Variants in TTYH1 observed in about 807,000 individuals in gnomAD.
TTYH1 encodes tweety family member 1, also known as protein tweety homolog 1.
Under a neutral mutation model 61.2 loss-of-function variants are expected in TTYH1, and 33 were observed. The observed-to-expected ratio is 0.54, with a 90% CI of 0.41 to 0.72. The LOEUF (loss-of-function observed/expected upper bound fraction) is 0.72, where lower values mean the gene tolerates loss of function less well. TTYH1 is among the 30% of genes least tolerant of loss of function. The pLI, the probability that TTYH1 is intolerant of heterozygous loss-of-function variation, is 0.00. For missense variants in TTYH1, 538 were observed against 575.8 expected, an observed-to-expected ratio of 0.93 and a Z score of 0.67; for synonymous variants, 308 against 266.4, an observed-to-expected ratio of 1.16 and a Z score of -1.52.
intron 4 of TTYH1, chr19:54,426,472 G>A: frequency 1.6e-6 from 1 of 608,332 alleles, no homozygotes; most frequent in South Asian, 2.0e-5. Context: ...AACCGCTCCA[G>A]TGTCCTGTCT....
intron 10 of TTYH1, among the ~76,000 whole-genome samples, chr19:54,433,885 G>A (rs971943357): frequency 3.9e-5 from 6 of 152,038 alleles, no homozygotes; most frequent in African/African-American, 1.5e-4. Context: ...TGCAAGAGGC[G>A]GCAGCGTGAG....
At position 54,418,269 on chromosome 19, in the gene TTYH1, C is replaced by T. The variant is rs138900401; in HGVS notation, c.127-859C>T. On this transcript the variant is annotated intron_variant, in intron 1 of 13. Coordinates refer to ENST00000376530, the MANE Select transcript of TTYH1 (RefSeq NM_020659.4). ...GGCTCTGCCCACCGCAGAACGTTTC[C>T]GCGGCCTGCCTGTCTTCCGGGCCTT... 394 of 152,472 alleles carry T rather than the reference C, an allele frequency of 2.6e-3. 2 individuals are homozygous for T. The highest frequency in any genetic ancestry group is 8.1e-3 in the South Asian group (39 of 4,828). 9.4% of individuals were successfully genotyped at this position (152,472 alleles called of 1,614,324 possible).
At position 54,415,700 on chromosome 19, in the gene TTYH1, TG is replaced by T. The variant is rs1194509273; in HGVS notation, c.126+27del. ...GCAGGTGGGACCGGGCGCCAGGGCCTGGGGGCCAGGGCTGGGGGCCGGAGCT... is the reference window on the plus strand; with the variant it reads ...GCAGGTGGGACCGGGCGCCAGGGCCTGGGGCCAGGGCTGGGGGCCGGAGCT... On this transcript the variant is annotated intron_variant, in intron 1 of 13. Transcript: ENST00000376530. The surrounding 1 kb of genome is among the most constrained non-coding windows in gnomAD (Gnocchi z 5.2). The T allele has an allele frequency of 3.3e-6, 5 of 1,529,322 alleles. No homozygotes were observed. Among genetic ancestry groups the T allele is most frequent in the South Asian group, 1.2e-5 (1 of 81,860 alleles). 94.7% of individuals were successfully genotyped at this position (1,529,322 alleles called of 1,614,324 possible).
At position 54,429,772 on chromosome 19, in the gene TTYH1, C is replaced by A; in HGVS notation, c.808-110C>A. ...GAGTCTGAGGGAAGAGGGGCTGGGA[C>A]CTGGACCCCTGGGTGGGGAGGGGAG... On this transcript the variant is annotated intron_variant, in intron 6 of 13. Coordinates refer to ENST00000376530, the MANE Select transcript of TTYH1 (RefSeq NM_020659.4). This position sits in a 1 kb window ranked among gnomAD's most constrained non-coding sequence, Gnocchi z 5.1. 2 of 927,472 alleles carry A rather than the reference C, an allele frequency of 2.2e-6. No individual in the cohort carries two copies. The highest frequency in any genetic ancestry group is 3.4e-6 in the Non-Finnish European group (2 of 584,716). 57.5% of individuals were successfully genotyped at this position (927,472 alleles called of 1,614,324 possible). A position where few individuals can be genotyped will look rare whatever the true frequency, so the allele number is the denominator to read the frequency against.
At chr19:54,423,489 T>C (rs926930160) in intron 4 of TTYH1, among the ~76,000 whole-genome samples, 1 of 152,118 alleles carries the variant, frequency 6.6e-6, no homozygotes, top group Admixed American at 6.6e-5. Flanking sequence ...TTTAGCACCC[T>C]CTGGTGAAAG....
At chr19:54,427,169 C>CGT (rs2083337446) in intron 5 of TTYH1, among the ~76,000 whole-genome samples, 2 of 151,388 alleles carry the variant, frequency 1.3e-5, no homozygotes, top group Non-Finnish European at 2.9e-5. Context: ...TGGTGGCATG[C>CGT]GCCTGTAGTC....
In TTYH1 at chr19:54,421,162, G is replaced by A; in HGVS notation, c.306-115G>A. The A allele has an allele frequency of 2.9e-6, 2 of 695,150 alleles. No homozygotes were observed. The highest frequency in any genetic ancestry group is 5.1e-6 in the Non-Finnish European group (2 of 390,078). 43.1% of individuals were successfully genotyped at this position (695,150 alleles called of 1,614,324 possible). ...CCACGGGCTGGCCCAATGAGGTGGG[G>A]CTGAGATGGGAGGGGTGGATAAGAA... On this transcript the variant is annotated intron_variant, in intron 2 of 13. Transcript: ENST00000376530. This position sits in a 1 kb window ranked among gnomAD's most constrained non-coding sequence, Gnocchi z 4.8.
At position 54,436,027 on chromosome 19, in the gene TTYH1, A is replaced by G. The variant is rs1160126910; in HGVS notation, c.1315-64A>G. ...CTGAGGGAGGAGGGGCTGGGGTCCC[A>G]CAGTACAAAGCCAATTCCCACTCCA... is the stretch of plus-strand genomic sequence containing the variant. On this transcript the variant is annotated intron_variant, in intron 12 of 13. Transcript: ENST00000376530. The surrounding 1 kb of genome is among the most constrained non-coding windows in gnomAD (Gnocchi z 4.3). 2.2e-5 allele frequency: 35 copies of G among 1,591,150 alleles called. No individual in the cohort carries two copies. Among genetic ancestry groups the G allele is most frequent in the Non-Finnish European group, 2.9e-5 (34 of 1,160,432 alleles).
At position 54,429,313 on chromosome 19, in the gene TTYH1, A is replaced by G. The variant is rs751129192; in HGVS notation, c.741A>G (p.Thr247=). Residue 247 remains threonine (T), a synonymous_variant, in exon 6 of 14, where the codon ACA becomes ACG. Transcript: ENST00000376530. This position sits in a 1 kb window ranked among gnomAD's most constrained non-coding sequence, Gnocchi z 5.1. ...CCTCCCTCCCCCACTCTAGGATGAC[A>G]GTCATGAGTCTCCTGGTTCTCGTCC... is the stretch of plus-strand genomic sequence containing the variant. The part of the protein sequence containing the change: ...KQSKWLVIVM[T]VMSLLVLVLS... The G allele has an allele frequency of 1.2e-6, 2 of 1,614,090 alleles. No homozygotes were observed. The highest frequency in any genetic ancestry group is 1.7e-6 in the Non-Finnish European group (2 of 1,179,986).
At chr19:54,418,441 T>G (rs1037339697) in intron 1 of TTYH1, 1 of 152,694 alleles carries the variant, frequency 6.5e-6, no homozygotes, top group Non-Finnish European at 1.5e-5. Flanking sequence ...TTGTCTTATC[T>G]TTGTCTCTTT....
chr19:54,426,021 T>G (rs910705720), intron 4 of TTYH1, among the ~76,000 whole-genome samples: 1 of 152,176 alleles, frequency 6.6e-6, no homozygotes, highest in African/African-American at 2.4e-5. Context: ...CGGCCAAGTA[T>G]TAACTATTAA....
intron 1 of TTYH1, among the ~76,000 whole-genome samples, chr19:54,417,460 C>A (rs2083110859): frequency 1.3e-5 from 2 of 152,144 alleles, no homozygotes; most frequent in South Asian, 4.1e-4. Context: ...TATGCACTCA[C>A]ACCCACATAC....
Position 54,436,015 on chromosome 19 carries a change from G to A in TTYH1, c.1315-76G>A. 4 of 1,583,018 alleles carry A rather than the reference G, an allele frequency of 2.5e-6. No homozygotes were observed. Among genetic ancestry groups the A allele is most frequent in the East Asian group, 2.2e-5 (1 of 44,712 alleles). ...GGACTCCTGGGTCTGAGGGAGGAGG[G>A]GCTGGGGTCCCACAGTACAAAGCCA... is the stretch of plus-strand genomic sequence containing the variant. On this transcript the variant is annotated intron_variant, in intron 12 of 13. Transcript: ENST00000376530. The surrounding 1 kb of genome is among the most constrained non-coding windows in gnomAD (Gnocchi z 4.3).
In TTYH1 at chr19:54,421,040, C is replaced by G. The variant is rs1456013974; in HGVS notation, c.306-237C>G. 6.6e-6 allele frequency among the ~76,000 whole-genome samples: 1 copy of G among 152,146 alleles called. No homozygotes were observed. Among genetic ancestry groups the G allele is most frequent in the Non-Finnish European group, 1.5e-5 (1 of 68,006 alleles). ...GGCTCCCTCCCCCCCACCACTCCAC[C>G]CACCATTAACATCACAATGACGTCC... On this transcript the variant is annotated intron_variant, in intron 2 of 13. Coordinates refer to ENST00000376530, the MANE Select transcript of TTYH1 (RefSeq NM_020659.4). The surrounding 1 kb of genome is among the most constrained non-coding windows in gnomAD (Gnocchi z 4.8).
Position 54,421,085 on chromosome 19 carries a change from C to A in TTYH1, c.306-192C>A, listed in dbSNP as rs951306901. On this transcript the variant is annotated intron_variant, in intron 2 of 13. Coordinates refer to ENST00000376530, the MANE Select transcript of TTYH1 (RefSeq NM_020659.4). The surrounding 1 kb of genome is among the most constrained non-coding windows in gnomAD (Gnocchi z 4.8). ...ACGTCCCTCCGCTGGGGGAGTGAGG[C>A]CTTCCCGTTCCCTTGGCAACCGACG... Among the ~76,000 whole-genome samples the A allele has an allele frequency of 2.0e-5, 3 of 152,126 alleles. No homozygotes were observed. Among genetic ancestry groups the A allele is most frequent in the Non-Finnish European group, 2.9e-5 (2 of 68,006 alleles).
In TTYH1 at chr19:54,421,119, G is replaced by A. The variant is rs1390961233; in HGVS notation, c.306-158G>A. On this transcript the variant is annotated intron_variant, in intron 2 of 13. Coordinates refer to ENST00000376530, the MANE Select transcript of TTYH1 (RefSeq NM_020659.4). The surrounding 1 kb of genome is among the most constrained non-coding windows in gnomAD (Gnocchi z 4.8). The stretch of plus-strand genomic sequence containing the variant: ...TCCCTTGGCAACCGACGGGGGCCAG[G>A]CTGAAGTCGCCCTTTTCCCACGGGC... Among the ~76,000 whole-genome samples, 1 of 152,112 alleles carries A rather than the reference G, an allele frequency of 6.6e-6. No homozygotes were observed. Among genetic ancestry groups the A allele is most frequent in the African/African-American group, 2.4e-5 (1 of 41,422 alleles).
At position 54,435,814 on chromosome 19, in the gene TTYH1, G is replaced by GC. The variant is rs764351086; in HGVS notation, c.1269-13dup. On this transcript the variant is annotated splice_polypyrimidine_tract_variant and intron_variant, in intron 11 of 13. Transcript: ENST00000376530. Reference sequence around the variant, plus strand: ...CCATCCCGCCTCTCTGCCATGCCCCGCATCAAACCCCAGTGACGACTACGA... The same window carrying GC: ...CCATCCCGCCTCTCTGCCATGCCCCGCCATCAAACCCCAGTGACGACTACGA... The GC allele has an allele frequency of 1.9e-6, 3 of 1,613,774 alleles. No individual in the cohort carries two copies. In the South Asian group the frequency reaches 3.3e-5, roughly 18 times the overall value.
At chr19:54,427,801 G>A (rs988475231) in intron 5 of TTYH1, among the ~76,000 whole-genome samples, 2 of 152,156 alleles carry the variant, frequency 1.3e-5, no homozygotes, top group Non-Finnish European at 2.9e-5. Flanking sequence ...TGGCAAAGCC[G>A]CAGGACCACA....
Position 54,421,223 on chromosome 19 carries a change from G to GA in TTYH1, c.306-54_306-53insA, listed in dbSNP as rs2083210650. On this transcript the variant is annotated intron_variant, in intron 2 of 13. Coordinates refer to ENST00000376530, the MANE Select transcript of TTYH1 (RefSeq NM_020659.4). The surrounding 1 kb of genome is among the most constrained non-coding windows in gnomAD (Gnocchi z 4.8). ...AGGGGATGGGGTGGGAGGGGACGGT[G>GA]GCCCCCGGGGTCCTGGGACCCGCTG... The GA allele has an allele frequency of 8.2e-7, 1 of 1,217,506 alleles. No homozygotes were observed. Among genetic ancestry groups the GA allele is most frequent in the Non-Finnish European group, 1.2e-6 (1 of 822,490 alleles). The allele number at this position is 1,217,506 out of a possible 1,614,324, so 75.4% of individuals were successfully genotyped here. A position where few individuals can be genotyped will look rare whatever the true frequency, so the allele number is the denominator to read the frequency against.
Sources: allele counts gnomAD v4.1 joint callset (sites outside exome capture counted in the v4.1 genomes callset), GRCh38; gene constraint gnomAD v4.1.1; non-coding constraint Gnocchi (gnomAD v3.1); transcripts MANE v1.5; gene names NCBI Gene and HGNC (gene_info 2026-07-23, HGNC 2026-07-21).